The following PTPN3 variants were observed in gnomAD, a reference collection of about 807,000 sequenced individuals.
The protein encoded by PTPN3 is protein tyrosine phosphatase non-receptor type 3.
PTPN3 carries 96 observed loss-of-function variants against 132.7 expected under a neutral mutation model. The ratio of observed to expected loss-of-function variants is 0.72; its 90% CI spans 0.61 to 0.86. PTPN3 has a LOEUF of 0.86. Ranked by LOEUF, PTPN3 falls within the 40% of genes least tolerant of loss-of-function variation. The probability of loss-of-function intolerance (pLI) is 0.00; values close to 1 mark genes in which losing one functional copy is unlikely to be tolerated. For missense variants in PTPN3, 1,125 were observed against 1,159.6 expected (o/e 0.97, Z 0.43); for synonymous variants, 398 against 429.0 (o/e 0.93, Z 0.89).
At chr9:109,441,959 G>T (rs542055772) in intron 7 of PTPN3, among the ~76,000 whole-genome samples, 1 of 152,244 alleles carries the variant, frequency 6.6e-6, no homozygotes, top group Admixed American at 6.5e-5. Flanking sequence ...TCACAGTGAG[G>T]ACTTATATCA....
the PTPN3 span, among the ~76,000 whole-genome samples, chr9:109,513,059 G>A: frequency 6.6e-6 from 1 of 152,108 alleles, no homozygotes; most frequent in East Asian, 1.9e-4. Flanking sequence ...CCCAGACTGG[G>A]GTGCAGTGGC....
chr9:109,428,532 G>A (rs1403179900), intron 11 of PTPN3, 89 bp downstream of exon 11: 5 of 1,370,238 alleles, frequency 3.6e-6, no homozygotes, highest in Non-Finnish European at 5.0e-6. Flanking sequence ...GATCCCCTGA[G>A]CTCAGTTTGG....
chr9:109,422,978 G>A, intron 12 of PTPN3, 126 bp from the exon 13 acceptor site: 1 of 1,165,248 alleles, frequency 8.6e-7, no homozygotes, highest in Non-Finnish European at 1.2e-6. Context: ...AAGGTTATGG[G>A]GAGTAGAGGG....
intron 19 of PTPN3, among the ~76,000 whole-genome samples, chr9:109,396,339 T>C (rs1218234925): frequency 6.6e-6 from 1 of 152,220 alleles, no homozygotes; most frequent in Non-Finnish European, 1.5e-5. Flanking sequence ...CTTTGTGATA[T>C]TGGCCAGAGT....
At chr9:109,448,893 T>C (rs772320312) in intron 5 of PTPN3, 38 bp from the exon 6 acceptor site, 4 of 1,414,230 alleles carry the variant, frequency 2.8e-6, no homozygotes, top group Non-Finnish European at 3.7e-6. Context: ...ATACTCAAAC[T>C]GAAATAAGCA....
the PTPN3 span, among the ~76,000 whole-genome samples, chr9:109,534,503 G>A: frequency 6.6e-6 from 1 of 152,074 alleles, no homozygotes; most frequent in African/African-American, 2.4e-5. Context: ...GTGGCCGGGC[G>A]TGGTGGCTCA....
intron 5 of PTPN3, chr9:109,449,638 C>G: frequency 1.0e-6 from 1 of 985,404 alleles, no homozygotes; most frequent in South Asian, 4.7e-5. Flanking sequence ...TTTAGGGATG[C>G]GGCATACATG....
At chr9:109,454,696 G>A (rs1845471168) in intron 4 of PTPN3, 122 bp from the exon 5 acceptor site, 1 of 722,164 alleles carries the variant, frequency 1.4e-6, no homozygotes, top group East Asian at 2.6e-5. Flanking sequence ...ATTATAAAAG[G>A]GCTAATTTCA....
chr9:109,517,588 G>T, the PTPN3 span, among the ~76,000 whole-genome samples: 31 of 152,306 alleles, frequency 2.0e-4, no homozygotes, highest in African/African-American at 7.2e-4. Flanking sequence ...TTTGATTTAG[G>T]TCTAGTTTGG....
intron 18 of PTPN3, among the ~76,000 whole-genome samples, chr9:109,405,841 C>T (rs1306929955): frequency 6.6e-6 from 1 of 152,210 alleles, no homozygotes; most frequent in Admixed American, 6.5e-5. Context: ...CCACCTTGGC[C>T]TTCCAAAGTG....
chr9:109,454,633 G>C (rs939742134), intron 4 of PTPN3, 59 bp from the exon 5 acceptor site: 20 of 1,371,050 alleles, frequency 1.5e-5, no homozygotes, highest in Non-Finnish European at 2.1e-5. Flanking sequence ...ATGTATGTAA[G>C]TTGCTTCTCT....
At chr9:109,469,102 G>A (rs1846242239) in intron 1 of PTPN3, among the ~76,000 whole-genome samples, 1 of 152,212 alleles carries the variant, frequency 6.6e-6, no homozygotes, top group Non-Finnish European at 1.5e-5. Context: ...AGACACCAGA[G>A]CCCTGGGAGT....
chr9:109,501,938 G>A (rs986870203), upstream of PTPN3, among the ~76,000 whole-genome samples: 8 of 152,140 alleles, frequency 5.3e-5, no homozygotes, highest in Non-Finnish European at 1.0e-4. Context: ...CTCCTCCTGC[G>A]AAGCTCAAAA....
Position 109,454,560 on chromosome 9 carries a change from TACAGGGGAA to T in PTPN3, c.295_303del (p.Phe99_Cys101del), listed in dbSNP as rs1389019066. ...AAAAATCTTACTCGAAAATGCAGGG[TACAGGGGAA>T]ACCTCCTACAACATTTTTCAAAAAC... On this transcript the variant is annotated inframe_deletion, in exon 5 of 26. Coordinates refer to ENST00000374541, the MANE Select transcript of PTPN3 (RefSeq NM_002829.4). 3 of 1,613,248 alleles carry T rather than the reference TACAGGGGAA, an allele frequency of 1.9e-6. No individual in the cohort carries two copies. The highest frequency in any genetic ancestry group is 2.5e-6 in the Non-Finnish European group (3 of 1,179,508).
chr9:109,510,599 A>ATATATATATATATTTATATATT, the PTPN3 span, among the ~76,000 whole-genome samples: 1 of 82,894 alleles, frequency 1.2e-5, no homozygotes, highest in Non-Finnish European at 2.3e-5. Context: ...ATATATATAT[A>ATATATATATATATTTATATATT]TATATATATG....
rs1844195488 is a variant in PTPN3, at chr9:109,438,176, G to A, written c.525C>T (p.His175=). ...IHHPGYLSDS[H]FIPDQNEDFL... ...AGTCCTCATTTTGATCGGGTATAAA[G>A]TGACTATCGGAAAGATAGCCTGGAT... The change falls in exon 8 of 26, where the codon CAC becomes CAT. Residue 175 remains histidine, a synonymous_variant. Transcript: ENST00000374541. The A allele has an allele frequency of 2.5e-6, 4 of 1,613,644 alleles. No individual in the cohort carries two copies. Among genetic ancestry groups the A allele is most frequent in the Non-Finnish European group, 8.5e-7 (1 of 1,179,532 alleles).
At chr9:109,436,682 A>G (rs1844076597) in intron 9 of PTPN3, among the ~76,000 whole-genome samples, 1 of 152,248 alleles carries the variant, frequency 6.6e-6, no homozygotes, top group Admixed American at 6.5e-5. Flanking sequence ...AAAGTCTTCA[A>G]GTACAAAAGC....
chr9:109,391,749 A>AT (rs10707863), intron 19 of PTPN3, among the ~76,000 whole-genome samples, 188 bp from the exon 20 acceptor site: 2 of 149,860 alleles, frequency 1.3e-5, no homozygotes, highest in Non-Finnish European at 3.0e-5. Flanking sequence ...CTCTTTAATA[A>AT]TTTTTTTTTT....
chr9:109,423,002 G>T, intron 12 of PTPN3, 150 bp from the exon 13 acceptor site: 1 of 973,984 alleles, frequency 1.0e-6, no homozygotes, highest in African/African-American at 1.6e-5. Flanking sequence ...CAGCTCAAAA[G>T]CGATTCCTGT....
Sources: gnomAD v4.1 joint callset for allele counts (sites outside exome capture counted in the v4.1 genomes callset) on GRCh38, gnomAD v4.1.1 for gene constraint, MANE v1.5 for transcripts, NCBI Gene and HGNC (gene_info 2026-07-23, HGNC 2026-07-21) for gene names.